PHF3: variants seen among roughly 807,000 people sequenced by gnomAD.
PHF3 encodes the protein PHD finger protein 3.
PHF3 carries 41 observed loss-of-function variants against 178.4 expected under a neutral mutation model. The ratio of observed to expected loss-of-function variants is 0.23; its 90% CI spans 0.18 to 0.30. PHF3 has a LOEUF of 0.30. Ranked by LOEUF, PHF3 falls within the 10% of genes least tolerant of loss-of-function variation. The pLI, the probability that PHF3 is intolerant of heterozygous loss-of-function variation, is 1.00. For missense variants in PHF3, 2,346 were observed against 2,398.1 expected (o/e 0.98, Z 0.45); for synonymous variants, 842 against 800.5 (o/e 1.05, Z -0.88).
At chr6:63,636,286 C>A (rs986724434) in intron 1 of PHF3, 136 bp downstream of exon 1, 2 of 232,424 alleles carry the variant, frequency 8.6e-6, no homozygotes, top group Non-Finnish European at 1.7e-5. Context: ...CCCGCGCAGC[C>A]GAGAGATCGC....
Position 63,706,092 on chromosome 6 carries a change from C to T in PHF3, c.3431C>T (p.Ala1144Val), listed in dbSNP as rs779359378. 44 of 1,613,778 alleles carry T rather than the reference C, an allele frequency of 2.7e-5. No individual in the cohort carries two copies. The highest frequency in any genetic ancestry group is 8.9e-5 in the East Asian group (4 of 44,872). Residue 1144 changes from alanine (A) to valine (V), a missense_variant, in exon 12 of 16, where the codon GCT (alanine) becomes GTT (valine). By Grantham distance (64) the Ala-to-Val change is moderately conservative. Transcript: ENST00000262043. ...AAAGTAAAAGTTGTTGTAGGAGTAG[C>T]TCGCAAACATTCAGACAATGAAGCA... Reference protein sequence around the residue: ...PKKVKVVVGVARKHSDNEAES... With the variant: ...PKKVKVVVGVVRKHSDNEAES...
chr6:63,665,609 C>T (rs983923825), intron 2 of PHF3, among the ~76,000 whole-genome samples: 2 of 151,326 alleles, frequency 1.3e-5, no homozygotes, highest in Admixed American at 6.6e-5. Context: ...CCTCAGCCAC[C>T]CAAGCAGCTG....
intron 4 of PHF3, among the ~76,000 whole-genome samples, chr6:63,688,572 T>A (rs1295975622): frequency 1.3e-5 from 2 of 151,508 alleles, no homozygotes; most frequent in East Asian, 4.0e-4. Flanking sequence ...TGAATTCAGG[T>A]GATCCGCCCG....
intron 3 of PHF3, among the ~76,000 whole-genome samples, chr6:63,682,622 G>A (rs1192867558): frequency 6.6e-6 from 1 of 152,074 alleles, no homozygotes; most frequent in Non-Finnish European, 1.5e-5. Flanking sequence ...TGGTATATAC[G>A]TGTGGCTTTG....
At chr6:63,703,130 G>A (rs1451611432) in intron 10 of PHF3, among the ~76,000 whole-genome samples, 2 of 152,122 alleles carry the variant, frequency 1.3e-5, no homozygotes, top group African/African-American at 2.4e-5. Context: ...TGCCCACCTC[G>A]GCCTCCCAAA....
At position 63,719,769 on chromosome 6, in the gene PHF3, G is replaced by A. The variant is rs944468284; in HGVS notation, c.*6061G>A. Reference sequence around the variant, plus strand: ...CAAATTAAGGTTAATTTTTTAATTTGATCAGTTAATATGAGTACATGGTTT... The same window carrying A: ...CAAATTAAGGTTAATTTTTTAATTTAATCAGTTAATATGAGTACATGGTTT... On this transcript the variant is annotated 3_prime_UTR_variant, in exon 16 of 16. Transcript: ENST00000262043. Among the ~76,000 whole-genome samples, 2 of 151,988 alleles carry A rather than the reference G, an allele frequency of 1.3e-5. No homozygotes were observed. Among genetic ancestry groups the A allele is most frequent in the African/African-American group, 4.8e-5 (2 of 41,406 alleles).
Position 63,691,790 on chromosome 6 carries a change from G to C in PHF3, c.2243G>C (p.Gly748Ala), listed in dbSNP as rs1488971638. The part of the protein sequence containing the change: ...CDDWFHGDCV[G>A]LSLSQAQQMG... ...GACTGGTTTCATGGTGATTGTGTTG[G>C]GTTAAGTCTTTCTCAAGCACAGCAG... The change falls in exon 5 of 16, where the codon GGG becomes GCG. Residue 748 changes from glycine (G) to alanine (A), a missense_variant. Around this residue, in one of 8 missense-constraint regions of PHF3, gnomAD observed 72 missense variants for 110.5 expected, o/e 0.65. Coordinates refer to ENST00000262043, the MANE Select transcript of PHF3 (RefSeq NM_001370348.2). 6.2e-7 allele frequency: 1 copy of C among 1,613,552 alleles called. No homozygotes were observed. The highest frequency in any genetic ancestry group is 1.3e-5 in the African/African-American group (1 of 74,804).
chr6:63,685,011 G>C lies in PHF3; in HGVS notation c.1289G>C (p.Gly430Ala). ...NLEVVDTSTF[G>A]PESNILENAI... ...GAGGTGGTTGATACTAGTACTTTTG[G>C]ACCGGAAAGTAATATCTTGGAAAAT... Residue 430 changes from glycine (G) to alanine (A), a missense_variant, in exon 4 of 16, where the codon GGA (glycine) becomes GCA (alanine). Transcript: ENST00000262043. The C allele has an allele frequency of 6.2e-7, 1 of 1,614,030 alleles. No homozygotes were observed. Among genetic ancestry groups the C allele is most frequent in the Non-Finnish European group, 8.5e-7 (1 of 1,179,978 alleles).
At chr6:63,696,201 G>A (rs577591883) in intron 6 of PHF3, among the ~76,000 whole-genome samples, 1 of 152,290 alleles carries the variant, frequency 6.6e-6, no homozygotes, top group South Asian at 2.1e-4. Flanking sequence ...CTGGTCTCAA[G>A]CATTTCATAT....
chr6:63,702,084 A>G (rs535385329), intron 9 of PHF3, among the ~76,000 whole-genome samples: 23 of 152,332 alleles, frequency 1.5e-4, no homozygotes, highest in African/African-American at 5.5e-4. Context: ...CAGATCGGTC[A>G]TTTGAATAAA....
rs1768480053 is a variant in PHF3 at position 63,723,350 on chromosome 6, T to A, written c.*9642T>A. On this transcript the variant is annotated 3_prime_UTR_variant, in exon 16 of 16. Coordinates refer to ENST00000262043, the MANE Select transcript of PHF3 (RefSeq NM_001370348.2). Reference sequence around the variant, plus strand: ...AAAAACTGGAACAAGTAAACATAATTGATAATTAAGTTCAAAAAATTTATA... The same window carrying A: ...AAAAACTGGAACAAGTAAACATAATAGATAATTAAGTTCAAAAAATTTATA... 6.6e-6 allele frequency among the ~76,000 whole-genome samples: 1 copy of A among 152,158 alleles called. No individual in the cohort carries two copies. The highest frequency in any genetic ancestry group is 1.5e-5 in the Non-Finnish European group (1 of 68,034).
chr6:63,706,404 T>C (rs1767694638), intron 12 of PHF3, among the ~76,000 whole-genome samples, 180 bp downstream of exon 12: 1 of 152,200 alleles, frequency 6.6e-6, no homozygotes, highest in South Asian at 2.1e-4. Flanking sequence ...TGGAGTGTTT[T>C]CAGTGAGAGA....
rs1257248091 is a variant in PHF3 at position 63,685,674 on chromosome 6, G to A, written c.1952G>A (p.Gly651Asp). ...SHVKEELEHP[G>D]VEHFKEEDKL... ...GTGAAGGAAGAGCTTGAACACCCAG[G>A]CGTTGAGCATTTTAAGGAAGAGGAT... The change falls in exon 4 of 16, where the codon GGC becomes GAC. Residue 651 changes from glycine to aspartate, a missense_variant. Gly to Asp is a moderately conservative substitution (Grantham distance 94, BLOSUM62 -1). Transcript: ENST00000262043. 3.1e-6 allele frequency: 5 copies of A among 1,613,928 alleles called. No homozygotes were observed. The African/African-American group carries it at 4.0e-5, about 13-fold the overall frequency.
chr6:63,662,162 C>T (rs1765495280), intron 2 of PHF3, among the ~76,000 whole-genome samples: 1 of 152,106 alleles, frequency 6.6e-6, no homozygotes, highest in Non-Finnish European at 1.5e-5. Flanking sequence ...AAAACCACCC[C>T]CTCATCCGTG....
At chr6:63,669,616 A>G (rs1283890096) in intron 2 of PHF3, among the ~76,000 whole-genome samples, 1 of 152,220 alleles carries the variant, frequency 6.6e-6, no homozygotes, top group African/African-American at 2.4e-5. Context: ...CACATGGACA[A>G]ATAAACCATA....
chr6:63,679,746 G>T, intron 2 of PHF3: 1 of 486,714 alleles, frequency 2.1e-6, no homozygotes, highest in Non-Finnish European at 4.0e-6. Context: ...GATATTTGAG[G>T]CTAAATCAGG....
intron 4 of PHF3, among the ~76,000 whole-genome samples, chr6:63,688,921 A>G (rs548843192): frequency 6.6e-6 from 1 of 152,352 alleles, no homozygotes; most frequent in South Asian, 2.1e-4. Context: ...TAAAGACTAT[A>G]TAAACGCTTT....
intron 2 of PHF3, among the ~76,000 whole-genome samples, chr6:63,657,446 A>G (rs1256517242): frequency 1.3e-5 from 2 of 152,210 alleles, no homozygotes; most frequent in African/African-American, 4.8e-5. Context: ...TGATTAACAC[A>G]TATTTTGTAC....
intron 2 of PHF3, among the ~76,000 whole-genome samples, chr6:63,649,373 A>C (rs972791093): frequency 6.6e-6 from 1 of 152,182 alleles, no homozygotes; most frequent in Non-Finnish European, 1.5e-5. Flanking sequence ...TTCTGGCACA[A>C]TGGGCTTTTA....
Sources: gnomAD v4.1 joint callset for allele counts (sites outside exome capture counted in the v4.1 genomes callset) on GRCh38, gnomAD v4.1.1 for gene constraint, gnomAD v4.1.1 regional missense constraint, MANE v1.5 for transcripts, NCBI Gene and HGNC (gene_info 2026-07-23, HGNC 2026-07-21) for gene names.